CRLS1: variants seen among roughly 807,000 people sequenced by gnomAD.
CRLS1 encodes the protein cardiolipin synthase (CMP-forming).
Under a neutral mutation model 37.0 loss-of-function variants are expected in CRLS1, and 24 were observed. The ratio of observed to expected loss-of-function variants is 0.65; its 90% confidence interval spans 0.47 to 0.91. CRLS1 has a LOEUF of 0.91. Among genes scored for constraint, CRLS1 ranks in the 40% least tolerant of loss-of-function variants. The pLI, the probability that CRLS1 is intolerant of heterozygous loss-of-function variation, is 0.00. For missense variants in CRLS1, 373 were observed against 395.8 expected (o/e 0.94, Z 0.49); for synonymous variants, 135 against 159.7 (o/e 0.85, Z 1.17).
At chr20:6,027,958 A>G (rs1158543370) in intron 3 of CRLS1, among the ~76,000 whole-genome samples, 1 of 152,164 alleles carries the variant, frequency 6.6e-6, no homozygotes, top group African/African-American at 2.4e-5. Context: ...CCTTATTACT[A>G]ATAAGCCTGG....
intron 1 of CRLS1, 94 bp downstream of exon 1, chr20:6,006,646 C>G: frequency 8.2e-7 from 1 of 1,214,202 alleles, no homozygotes; most frequent in African/African-American, 1.6e-5. Context: ...AGCTCGGACG[C>G]TTCCGTTTCC....
At chr20:6,032,296 G>C (rs1220329502) in intron 5 of CRLS1, among the ~76,000 whole-genome samples, 1 of 151,636 alleles carries the variant, frequency 6.6e-6, no homozygotes, top group Non-Finnish European at 1.5e-5. Flanking sequence ...GGTGGTCTGA[G>C]AGTTTAAGCT....
In CRLS1 at chr20:6,006,210, C is replaced by A; in HGVS notation, c.-37C>A. ...CGCCAGTGTCCCAGGCTGCTGAGCT[C>A]TCGCCGCCCGAGACCCCGCGGCGCG... On this transcript the variant is annotated 5_prime_UTR_variant, in exon 1 of 7. Coordinates refer to ENST00000378863, the MANE Select transcript of CRLS1 (RefSeq NM_019095.6). 1 of 1,183,040 alleles carries A rather than the reference C, an allele frequency of 8.5e-7. No individual in the cohort carries two copies. 73.3% of individuals were successfully genotyped at this position (1,183,040 alleles called of 1,614,324 possible).
chr20:6,020,114 G>A (rs1392874278), intron 3 of CRLS1, among the ~76,000 whole-genome samples: 2 of 152,142 alleles, frequency 1.3e-5, no homozygotes, highest in Non-Finnish European at 2.9e-5. Context: ...CAAAAATATT[G>A]TCATTTTAAC....
chr20:6,007,461 A>G, intron 1 of CRLS1: 1 of 1,558,642 alleles, frequency 6.4e-7, no homozygotes, highest in South Asian at 1.1e-5. Context: ...TAACTTTGAA[A>G]CTTTTACGGA....
chr20:6,035,486 C>G (rs1392024003), intron 6 of CRLS1, among the ~76,000 whole-genome samples: 2 of 151,692 alleles, frequency 1.3e-5, no homozygotes, highest in Non-Finnish European at 2.9e-5. Context: ...ATCATCTTGT[C>G]TATTTATTTT....
At chr20:6,010,960 T>C (rs1208793984) in intron 2 of CRLS1, among the ~76,000 whole-genome samples, 2 of 151,274 alleles carry the variant, frequency 1.3e-5, no homozygotes, top group South Asian at 2.1e-4. Context: ...AAGGCTGCAG[T>C]GAGCTATGAT....
Position 6,032,450 on chromosome 20 carries a change from T to C in CRLS1, c.729+370T>C, listed in dbSNP as rs369604727. Among the ~76,000 whole-genome samples, 4 of 151,956 alleles carry C rather than the reference T, an allele frequency of 2.6e-5. No individual in the cohort carries two copies. In the East Asian group the frequency reaches 5.8e-4, roughly 22 times the overall value. ...CTGGCTTCAAGCAATTCTCCTGCCT[T>C]GGGTTCCCAAATTATTGGGATTACA... is the stretch of plus-strand genomic sequence containing the variant. On this transcript the variant is annotated intron_variant, in intron 5 of 6. Transcript: ENST00000378863.
chr20:6,038,725 AAGAG>A lies in CRLS1; in HGVS notation c.*1570_*1573del, dbSNP rs1600398599. On this transcript the variant is annotated 3_prime_UTR_variant, in exon 7 of 7. Transcript: ENST00000378863. Reference sequence around the variant, plus strand: ...AGCCACATAAGAATAATGTTTAAAAAAGAGAGGACTTGAAGTAGCTATGCGAAAA... The same window carrying A: ...AGCCACATAAGAATAATGTTTAAAAAAGGACTTGAAGTAGCTATGCGAAAA... The A allele has an allele frequency of 6.6e-6, 1 of 152,252 alleles. No homozygotes were observed. The highest frequency in any genetic ancestry group is 1.9e-4 in the East Asian group (1 of 5,200). The allele number at this position is 152,252 out of a possible 1,614,324, so 9.4% of individuals were successfully genotyped here. A position where few individuals can be genotyped will look rare whatever the true frequency, so the allele number is the denominator to read the frequency against.
chr20:6,034,338 A>G lies in CRLS1; in HGVS notation c.730-126A>G, dbSNP rs987219708. 4 of 643,986 alleles carry G rather than the reference A, an allele frequency of 6.2e-6. No homozygotes were observed. The South Asian group carries it at 7.5e-5, about 12-fold the overall frequency. 39.9% of individuals were successfully genotyped at this position (643,986 alleles called of 1,614,324 possible). A position where few individuals can be genotyped will look rare whatever the true frequency, so the allele number is the denominator to read the frequency against. On this transcript the variant is annotated intron_variant, in intron 5 of 6. Coordinates refer to ENST00000378863, the MANE Select transcript of CRLS1 (RefSeq NM_019095.6). ...CAAGCTTATTGGGCAGGGATAGTGT[A>G]GATGAACAGCAAGCATGCTGAGGGT... is the stretch of plus-strand genomic sequence containing the variant.
intron 5 of CRLS1, among the ~76,000 whole-genome samples, chr20:6,032,998 A>T (rs1980287594): frequency 6.6e-6 from 1 of 152,080 alleles, no homozygotes; most frequent in Non-Finnish European, 1.5e-5. Context: ...GTAGCGTTAC[A>T]TGGAAAGTGC....
At chr20:6,029,085 C>T (rs550542066) in intron 3 of CRLS1, among the ~76,000 whole-genome samples, 15 of 152,186 alleles carry the variant, frequency 9.9e-5, no homozygotes, top group African/African-American at 3.6e-4. Flanking sequence ...TAGGCTTTTA[C>T]TGAGCTCTCT....
At chr20:6,013,811 C>A (rs936975010) in intron 2 of CRLS1, among the ~76,000 whole-genome samples, 1 of 151,996 alleles carries the variant, frequency 6.6e-6, no homozygotes, top group African/African-American at 2.4e-5. Flanking sequence ...TAGGTGCAGG[C>A]CCAGAGTACA....
chr20:6,011,873 C>G (rs1201365567), intron 2 of CRLS1, among the ~76,000 whole-genome samples: 1 of 151,826 alleles, frequency 6.6e-6, no homozygotes, highest in Non-Finnish European at 1.5e-5. Flanking sequence ...GTGTGAGCCA[C>G]CACACCTGGC....
At chr20:6,012,019 T>C (rs1978354904) in intron 2 of CRLS1, among the ~76,000 whole-genome samples, 2 of 140,668 alleles carry the variant, frequency 1.4e-5, no homozygotes. Context: ...GTCTCCTTTT[T>C]TGTCTGCTAC....
At position 6,037,681 on chromosome 20, in the gene CRLS1, A is replaced by C. The variant is rs1423989301; in HGVS notation, c.*523A>C. The stretch of plus-strand genomic sequence containing the variant: ...AGTGAAGTTAGTTGTAGATGAAGTA[A>C]AGTTATAAAAGAGATTAAAAATGCG... On this transcript the variant is annotated 3_prime_UTR_variant, in exon 7 of 7. Transcript: ENST00000378863. 1 of 152,252 alleles carries C rather than the reference A, an allele frequency of 6.6e-6. No homozygotes were observed. The highest frequency in any genetic ancestry group is 1.9e-4 in the East Asian group (1 of 5,198). The allele number at this position is 152,252 out of a possible 1,614,324, so 9.4% of individuals were successfully genotyped here.
At chr20:6,007,262 C>A in intron 1 of CRLS1, 1 of 1,542,542 alleles carries the variant, frequency 6.5e-7, no homozygotes, top group Non-Finnish European at 8.8e-7. Flanking sequence ...AGTTGTACAG[C>A]ATGGGTTGAG....
intron 3 of CRLS1, 60 bp from the exon 4 acceptor site, chr20:6,031,225 A>G (rs951102647): frequency 1.9e-6 from 2 of 1,072,104 alleles, no homozygotes; most frequent in East Asian, 2.5e-5. Flanking sequence ...TATTGTATTC[A>G]TAATGCATAT....
intron 2 of CRLS1, among the ~76,000 whole-genome samples, chr20:6,014,547 G>A (rs1446443453): frequency 6.6e-6 from 1 of 152,140 alleles, no homozygotes; most frequent in Admixed American, 6.5e-5. Context: ...GAAAATATCT[G>A]CCTTGTTTAA....
Sources: allele counts gnomAD v4.1 joint callset (sites outside exome capture counted in the v4.1 genomes callset), GRCh38; gene constraint gnomAD v4.1.1; transcripts MANE v1.5; gene names NCBI Gene and HGNC (gene_info 2026-07-23, HGNC 2026-07-21).